MAP2K6: variants seen among roughly 807,000 people sequenced by gnomAD.
MAP2K6 encodes the protein dual specificity mitogen-activated protein kinase kinase 6.
Under a neutral mutation model 53.7 loss-of-function variants are expected in MAP2K6, and 16 were observed. The observed-to-expected ratio is 0.30, with a 90% CI of 0.20 to 0.45. MAP2K6 has a LOEUF of 0.45. Among genes scored for constraint, MAP2K6 ranks in the 20% least tolerant of loss-of-function variants. The pLI, the probability that MAP2K6 is intolerant of heterozygous loss-of-function variation, is 1.00. For synonymous variants in MAP2K6, 132 were observed against 143.1 expected (o/e 0.92, Z 0.55); for missense variants, 204 against 411.9 (o/e 0.50, Z 4.37).
In MAP2K6 at chr17:69,519,646, A is replaced by G. The variant is rs1290378854; in HGVS notation, c.366+214A>G. ...TGTGGTTAGCCTTTTTAAGATGTGG[A>G]GTTTCTCGTCTCCTTTCTTTTTTGT... On this transcript the variant is annotated intron_variant, in intron 5 of 11. Coordinates refer to ENST00000590474, the MANE Select transcript of MAP2K6 (RefSeq NM_002758.4). The G allele has an allele frequency of 3.5e-5, 18 of 516,414 alleles. No individual in the cohort carries two copies. In the South Asian group the frequency reaches 4.2e-4, roughly 12 times the overall value. The allele number at this position is 516,414 out of a possible 1,614,324, so 32.0% of individuals were successfully genotyped here. A position where few individuals can be genotyped will look rare whatever the true frequency, so the allele number is the denominator to read the frequency against.
At chr17:69,422,124 ATTTTTTT>A (rs35694490) in intron 1 of MAP2K6, among the ~76,000 whole-genome samples, 16 of 87,388 alleles carry the variant, frequency 1.8e-4, no homozygotes, top group African/African-American at 2.7e-4. Flanking sequence ...AATCATCGTA[ATTTTTTT>A]TTTTTTTTTT....
At chr17:69,485,772 C>G (rs16974045) in intron 1 of MAP2K6, among the ~76,000 whole-genome samples, 5,198 of 152,270 alleles carry the variant, frequency 0.034, 297 homozygotes, top group African/African-American at 0.12. Context: ...CCTTGGGACA[C>G]TGCTTCATCA....
rs1911980110 is a variant in MAP2K6 at position 69,548,801 on chromosome 17, AT to A, written c.*7050del. 1 of 152,186 alleles carries A rather than the reference AT, an allele frequency of 6.6e-6. No homozygotes were observed. Among genetic ancestry groups the A allele is most frequent in the Non-Finnish European group, 1.5e-5 (1 of 68,030 alleles). The allele number at this position is 152,186 out of a possible 1,614,324, so 9.4% of individuals were successfully genotyped here. A position where few individuals can be genotyped will look rare whatever the true frequency, so the allele number is the denominator to read the frequency against. On this transcript the variant is annotated 3_prime_UTR_variant, in exon 12 of 12. Coordinates refer to ENST00000590474, the MANE Select transcript of MAP2K6 (RefSeq NM_002758.4). ...TTTACAGCTATGCAAATATTGTACT[AT>A]TACAGATTTTTCTAATGAAGTAGTT...
In MAP2K6 at chr17:69,548,497, A is replaced by G. The variant is rs1168642985; in HGVS notation, c.*6744A>G. 1 of 152,166 alleles carries G rather than the reference A, an allele frequency of 6.6e-6. No homozygotes were observed. Among genetic ancestry groups the G allele is most frequent in the Non-Finnish European group, 1.5e-5 (1 of 68,032 alleles). 9.4% of individuals were successfully genotyped at this position (152,166 alleles called of 1,614,324 possible). ...AAGCTATAGTCTCCTTATTATTCAG[A>G]AATATTCTTTTTCCTGCTGCACCAT... is the stretch of plus-strand genomic sequence containing the variant. On this transcript the variant is annotated 3_prime_UTR_variant, in exon 12 of 12. Transcript: ENST00000590474.
At chr17:69,536,211 C>G in intron 11 of MAP2K6, 51 bp downstream of exon 11, 1 of 1,366,416 alleles carries the variant, frequency 7.3e-7, no homozygotes, top group Non-Finnish European at 1.0e-6. Context: ...CTACAAAAGG[C>G]AAAGTCACTA....
At position 69,505,812 on chromosome 17, in the gene MAP2K6, A is replaced by G; in HGVS notation, c.49A>G (p.Lys17Glu). 1 of 1,614,002 alleles carries G rather than the reference A, an allele frequency of 6.2e-7. No homozygotes were observed. Among genetic ancestry groups the G allele is most frequent in the Non-Finnish European group, 8.5e-7 (1 of 1,179,890 alleles). ...GCGAAACCCTGGCCTTAAAATTCCA[A>G]AAGAAGCATTTGAACAACCTCAGAC... ...KKRNPGLKIP[K>E]EAFEQPQTSS... The change falls in exon 2 of 12, where the codon AAA becomes GAA. Residue 17 changes from lysine (K) to glutamate (E), a missense_variant. Transcript: ENST00000590474.
At chr17:69,501,153 A>G (rs951412330) in intron 1 of MAP2K6, among the ~76,000 whole-genome samples, 3 of 152,194 alleles carry the variant, frequency 2.0e-5, no homozygotes, top group African/African-American at 7.2e-5. Flanking sequence ...ACAGATTTTT[A>G]AAATAAATTT....
At chr17:69,441,507 TGA>T (rs1906818964) in intron 1 of MAP2K6, among the ~76,000 whole-genome samples, 2 of 152,228 alleles carry the variant, frequency 1.3e-5, no homozygotes, top group Non-Finnish European at 2.9e-5. Flanking sequence ...ATTTCTTTGC[TGA>T]GATGTCCTCT....
chr17:69,436,033 A>C (rs1239208352), intron 1 of MAP2K6, among the ~76,000 whole-genome samples: 1 of 150,682 alleles, frequency 6.6e-6, no homozygotes, highest in Non-Finnish European at 1.5e-5. Context: ...AAAAAAAAAA[A>C]CAAATGTGCT....
At chr17:69,526,380 C>T (rs1910768636) in intron 9 of MAP2K6, among the ~76,000 whole-genome samples, 190 bp from the exon 10 acceptor site, 1 of 152,096 alleles carries the variant, frequency 6.6e-6, no homozygotes, top group Non-Finnish European at 1.5e-5. Flanking sequence ...ATTTAAAAAT[C>T]CCTAGCACTA....
rs1166510643 is a variant in MAP2K6, at chr17:69,550,959, A to C, written c.*9206A>C. 1 of 152,234 alleles carries C rather than the reference A, an allele frequency of 6.6e-6. No homozygotes were observed. Among genetic ancestry groups the C allele is most frequent in the African/African-American group, 2.4e-5 (1 of 41,462 alleles). 9.4% of individuals were successfully genotyped at this position (152,234 alleles called of 1,614,324 possible). A position where few individuals can be genotyped will look rare whatever the true frequency, so the allele number is the denominator to read the frequency against. Reference sequence around the variant, plus strand: ...CACAGAGATAGGGAGATAGGTGGCCAGAAGACAGGGTCATTTAATTTTAAT... The same window carrying C: ...CACAGAGATAGGGAGATAGGTGGCCCGAAGACAGGGTCATTTAATTTTAAT... On this transcript the variant is annotated 3_prime_UTR_variant, in exon 12 of 12. Coordinates refer to ENST00000590474, the MANE Select transcript of MAP2K6 (RefSeq NM_002758.4).
At chr17:69,526,507 G>T (rs191998543) in intron 9 of MAP2K6, 63 bp from the exon 10 acceptor site, 6 of 1,565,016 alleles carry the variant, frequency 3.8e-6, no homozygotes, top group Non-Finnish European at 4.3e-6. Flanking sequence ...CAAATGAAAC[G>T]TGGGTGATTC....
intron 11 of MAP2K6, among the ~76,000 whole-genome samples, chr17:69,539,038 C>T (rs1911489992): frequency 6.6e-6 from 1 of 152,108 alleles, no homozygotes; most frequent in African/African-American, 2.4e-5. Flanking sequence ...TGATCCCTGT[C>T]CTAGATGATA....
At chr17:69,430,291 G>A (rs986483031) in intron 1 of MAP2K6, among the ~76,000 whole-genome samples, 1 of 151,944 alleles carries the variant, frequency 6.6e-6, no homozygotes, top group South Asian at 2.1e-4. Flanking sequence ...AGCCAAGATC[G>A]TGCCACTGCA....
chr17:69,524,929 A>G lies in MAP2K6; in HGVS notation c.692A>G (p.Gln231Arg). Residue 231 changes from glutamine (Q) to arginine (R), a missense_variant, in exon 9 of 12, where the codon CAG becomes CGG. By Grantham distance (43) the Gln-to-Arg change is conservative. This residue lies in a region of MAP2K6 where 28 missense variants were observed against 102.5 expected (regional missense o/e 0.27). Coordinates refer to ENST00000590474, the MANE Select transcript of MAP2K6 (RefSeq NM_002758.4). ...GAAAGAATAAACCCAGAGCTCAACCAGAAGGGATACAGTGTGAAGTCTGAC... is the reference window on the plus strand; with the variant it reads ...GAAAGAATAAACCCAGAGCTCAACCGGAAGGGATACAGTGTGAAGTCTGAC... ...APERINPELN[Q>R]KGYSVKSDIW... 1 of 1,613,274 alleles carries G rather than the reference A, an allele frequency of 6.2e-7. No homozygotes were observed. The highest frequency in any genetic ancestry group is 2.2e-5 in the East Asian group (1 of 44,846).
intron 1 of MAP2K6, among the ~76,000 whole-genome samples, chr17:69,445,064 G>C (rs774274846): frequency 6.6e-6 from 1 of 152,272 alleles, no homozygotes; most frequent in African/African-American, 2.4e-5. Flanking sequence ...GAGATTACAA[G>C]TGTGCACCAC....
At chr17:69,526,427 G>C (rs1910772788) in intron 9 of MAP2K6, 143 bp from the exon 10 acceptor site, 3 of 815,934 alleles carry the variant, frequency 3.7e-6, no homozygotes, top group East Asian at 5.1e-5. Context: ...CAAATTATTA[G>C]TTTATTTCCT....
chr17:69,501,270 C>T (rs17763881), intron 1 of MAP2K6, among the ~76,000 whole-genome samples: 4,506 of 152,310 alleles, frequency 0.03, 81 homozygotes, highest in Middle Eastern at 0.051. Flanking sequence ...TAGGCATCAG[C>T]ATATCTTCAC....
intron 11 of MAP2K6, among the ~76,000 whole-genome samples, chr17:69,540,699 A>G (rs890120625): frequency 1.3e-5 from 2 of 152,204 alleles, no homozygotes. Context: ...AGCTGTGAGG[A>G]TAGAGACTCT....
Sources: allele counts gnomAD v4.1 joint callset (sites outside exome capture counted in the v4.1 genomes callset), GRCh38; gene constraint gnomAD v4.1.1; regional missense constraint gnomAD v4.1.1; transcripts MANE v1.5; gene names NCBI Gene and HGNC (gene_info 2026-07-23, HGNC 2026-07-21).